Variants in NPAS3 observed in about 807,000 individuals in gnomAD.
The protein encoded by NPAS3 is neuronal PAS domain-containing protein 3.
NPAS3 carries 14 observed loss-of-function variants against 73.1 expected under a neutral mutation model. The observed-to-expected ratio is 0.19, with a 90% CI of 0.13 to 0.30. The LOEUF is 0.30. Ranked by LOEUF, NPAS3 falls within the 10% of genes least tolerant of loss-of-function variation. The pLI is 1.00. For missense variants in NPAS3, 1,096 were observed against 1,250.0 expected (o/e 0.88, Z 1.86); for synonymous variants, 620 against 541.5 (o/e 1.14, Z -2.01).
chr14:33,718,266 C>A (rs920704327), intron 6 of NPAS3, among the ~76,000 whole-genome samples: 2 of 151,926 alleles, frequency 1.3e-5, no homozygotes, highest in Non-Finnish European at 1.5e-5. Context: ...TTTTCTCATC[C>A]CTTAATCCTT....
chr14:33,573,021 C>CAAAAA (rs1172844613), intron 5 of NPAS3, among the ~76,000 whole-genome samples: 27 of 61,536 alleles, frequency 4.4e-4, no homozygotes, highest in African/African-American at 5.9e-4. Context: ...GACTTCTTCT[C>CAAAAA]AAAAAAAAAA....
intron 4 of NPAS3, among the ~76,000 whole-genome samples, chr14:33,544,214 C>G (rs1372758977): frequency 6.6e-6 from 1 of 151,954 alleles, no homozygotes; most frequent in Non-Finnish European, 1.5e-5. Flanking sequence ...ACCATCATAG[C>G]TTGCTGCAGC....
At chr14:33,763,857 T>C (rs75789193) in intron 7 of NPAS3, among the ~76,000 whole-genome samples, 2 of 149,748 alleles carry the variant, frequency 1.3e-5, no homozygotes, top group African/African-American at 2.5e-5. Flanking sequence ...TTTTTTTTTT[T>C]CCAAAATATA....
intron 4 of NPAS3, among the ~76,000 whole-genome samples, chr14:33,461,858 T>C (rs1885265): frequency 0.92 from 140,183 of 152,274 alleles, 64,562 homozygotes; most frequent in Middle Eastern, 0.96. Context: ...TTGGCCTGCC[T>C]GACACTCAGT....
At chr14:33,574,741 T>G (rs1339296625) in intron 5 of NPAS3, among the ~76,000 whole-genome samples, 1 of 152,116 alleles carries the variant, frequency 6.6e-6, no homozygotes, top group Non-Finnish European at 1.5e-5. Context: ...AACCCAGGTC[T>G]CAGAAGAATA....
At chr14:33,319,926 G>A (rs2043366445) in intron 3 of NPAS3, among the ~76,000 whole-genome samples, 1 of 152,164 alleles carries the variant, frequency 6.6e-6, no homozygotes, top group Admixed American at 6.6e-5. Flanking sequence ...AGGTATTCAA[G>A]AAATGTCCTC....
At chr14:33,213,311 C>T (rs7161508) in intron 2 of NPAS3, among the ~76,000 whole-genome samples, 3 of 152,138 alleles carry the variant, frequency 2.0e-5, no homozygotes, top group Non-Finnish European at 2.9e-5. Flanking sequence ...GAATAAAGCA[C>T]TGAACTTGAA....
intron 1 of NPAS3, among the ~76,000 whole-genome samples, chr14:33,018,612 G>T (rs2039478311): frequency 6.6e-6 from 1 of 150,772 alleles, no homozygotes; most frequent in African/African-American, 2.5e-5. Flanking sequence ...TTAACTTTAT[G>T]AATTTACTTG....
At chr14:33,653,236 G>A (rs943880803) in intron 5 of NPAS3, among the ~76,000 whole-genome samples, 6 of 152,124 alleles carry the variant, frequency 3.9e-5, no homozygotes, top group South Asian at 2.1e-4. Context: ...AAATGGCCCC[G>A]TATTGCTGAC....
chr14:33,473,317 C>G (rs576989333), intron 4 of NPAS3, among the ~76,000 whole-genome samples: 9 of 152,308 alleles, frequency 5.9e-5, no homozygotes, highest in Middle Eastern at 3.4e-3. Flanking sequence ...AGACCCAGTA[C>G]TGCCCGTGTT....
chr14:33,799,081 G>T (rs2063602014), intron 11 of NPAS3, among the ~76,000 whole-genome samples: 1 of 152,028 alleles, frequency 6.6e-6, no homozygotes, highest in African/African-American at 2.4e-5. Flanking sequence ...GGAGGGCAAG[G>T]TTGCAGTGAG....
intron 1 of NPAS3, among the ~76,000 whole-genome samples, chr14:32,977,479 C>G (rs2037735731): frequency 6.6e-6 from 1 of 152,062 alleles, no homozygotes; most frequent in African/African-American, 2.4e-5. Flanking sequence ...CCCTTATAAT[C>G]CCAGCACTTT....
upstream of NPAS3, chr14:32,939,136 G>GCCA (rs2035845827): frequency 6.8e-6 from 1 of 146,504 alleles, no homozygotes; most frequent in African/African-American, 2.7e-5. Flanking sequence ...CGCCGCCGCC[G>GCCA]CCGCCACGGC....
At chr14:33,115,710 C>G (rs2043040691) in intron 2 of NPAS3, among the ~76,000 whole-genome samples, 1 of 152,072 alleles carries the variant, frequency 6.6e-6, no homozygotes. Context: ...GGTCATCACC[C>G]AATCTTGGTC....
At chr14:33,655,788 C>T (rs2059129210) in intron 5 of NPAS3, among the ~76,000 whole-genome samples, 1 of 151,926 alleles carries the variant, frequency 6.6e-6, no homozygotes. Context: ...AACTTGTACC[C>T]CCTCATATCT....
intron 4 of NPAS3, among the ~76,000 whole-genome samples, chr14:33,512,999 T>A (rs2053130730): frequency 6.6e-6 from 1 of 152,034 alleles, no homozygotes; most frequent in Non-Finnish European, 1.5e-5. Context: ...TGATGCTCTT[T>A]CTCCAGCAAT....
chr14:33,637,343 C>T (rs1241996047), intron 5 of NPAS3, among the ~76,000 whole-genome samples: 2 of 152,186 alleles, frequency 1.3e-5, no homozygotes, highest in African/African-American at 4.8e-5. Flanking sequence ...ATAATCATCT[C>T]CACTTTGCTG....
intron 7 of NPAS3, among the ~76,000 whole-genome samples, chr14:33,755,779 G>A (rs1290365274): frequency 1.3e-5 from 2 of 152,068 alleles, no homozygotes; most frequent in Non-Finnish European, 2.9e-5. Context: ...GGCTATCTAG[G>A]AAGCATGACA....
At chr14:33,797,091 G>T (rs1205251903) in intron 10 of NPAS3, among the ~76,000 whole-genome samples, 1 of 152,156 alleles carries the variant, frequency 6.6e-6, no homozygotes, top group South Asian at 2.1e-4. Flanking sequence ...CCCAAGAGAA[G>T]ACACGACACA....
Sources: gnomAD v4.1 joint callset for allele counts (sites outside exome capture counted in the v4.1 genomes callset) on GRCh38, gnomAD v4.1.1 for gene constraint, MANE v1.5 for transcripts, NCBI Gene and HGNC (gene_info 2026-07-23, HGNC 2026-07-21) for gene names.